Variants in COLEC10 observed in about 807,000 individuals in gnomAD.
The protein encoded by COLEC10 is collectin subfamily member 10, also known as collectin-10.
Under a neutral mutation model 28.4 loss-of-function variants are expected in COLEC10, and 22 were observed. The ratio of observed to expected loss-of-function variants is 0.78; its 90% CI spans 0.55 to 1.11. The LOEUF is 1.11. Among genes scored for constraint, COLEC10 ranks in the 50% least tolerant of loss-of-function variants. The probability of loss-of-function intolerance (pLI) is 0.00; values close to 1 mark genes in which losing one functional copy is unlikely to be tolerated. For missense variants in COLEC10, 361 were observed against 344.1 expected, an observed-to-expected ratio of 1.05 and a Z score of -0.39; for synonymous variants, 125 against 116.1, an observed-to-expected ratio of 1.08 and a Z score of -0.49.
At chr8:119,059,194 A>C (rs1333955297) in intron 2 of COLEC10, among the ~76,000 whole-genome samples, 1 of 151,924 alleles carries the variant, frequency 6.6e-6, no homozygotes, top group Non-Finnish European at 1.5e-5. Context: ...GTATTTTTTG[A>C]AGCACAAATG....
At chr8:119,049,863 G>A (rs1033249614) in intron 2 of COLEC10, among the ~76,000 whole-genome samples, 1 of 152,128 alleles carries the variant, frequency 6.6e-6, no homozygotes, top group South Asian at 2.1e-4. Context: ...TTAATGATGA[G>A]GGAATTCAAT....
chr8:119,000,187 A>T (rs554974031), intron 1 of COLEC10, among the ~76,000 whole-genome samples: 4 of 152,200 alleles, frequency 2.6e-5, no homozygotes, highest in Admixed American at 6.5e-5. Flanking sequence ...GAGCCAGCAT[A>T]GAAGATGAGG....
the COLEC10 span, among the ~76,000 whole-genome samples, chr8:118,982,410 C>A: frequency 1.3e-5 from 2 of 152,054 alleles, no homozygotes; most frequent in African/African-American, 4.8e-5. Flanking sequence ...AATCCAGGTA[C>A]AAATGCACTT....
At chr8:118,961,379 C>T in the COLEC10 span, among the ~76,000 whole-genome samples, 2 of 152,206 alleles carry the variant, frequency 1.3e-5, no homozygotes, top group Non-Finnish European at 2.9e-5. Flanking sequence ...AGTAGGCTAA[C>T]TGGTATGTTT....
intron 2 of COLEC10, among the ~76,000 whole-genome samples, chr8:119,013,923 A>G (rs1813944785): frequency 1.3e-5 from 2 of 150,764 alleles, no homozygotes; most frequent in African/African-American, 5.0e-5. Context: ...GCAATAATGT[A>G]TTGTTTCACA....
chr8:119,017,516 T>C (rs1201342339), intron 2 of COLEC10, among the ~76,000 whole-genome samples: 1 of 152,158 alleles, frequency 6.6e-6, no homozygotes. Context: ...TCTGTGGGAA[T>C]GAGTGCAAGG....
chr8:118,985,527 A>T, the COLEC10 span, among the ~76,000 whole-genome samples: 1 of 152,104 alleles, frequency 6.6e-6, no homozygotes, highest in African/African-American at 2.4e-5. Flanking sequence ...TGATTTAAAC[A>T]GGGATTTATG....
chr8:119,002,558 C>G (rs935116198), intron 1 of COLEC10, among the ~76,000 whole-genome samples: 23 of 152,188 alleles, frequency 1.5e-4, no homozygotes, highest in African/African-American at 5.3e-4. Context: ...ATATTACAAC[C>G]AATTACTTAA....
intron 1 of COLEC10, 116 bp from the exon 2 acceptor site, chr8:119,089,564 G>A: frequency 1.4e-6 from 1 of 739,790 alleles, no homozygotes; most frequent in Non-Finnish European, 2.3e-6. Context: ...CAGCTGGATT[G>A]TGAGGCAAGC....
chr8:118,962,588 T>G, the COLEC10 span, among the ~76,000 whole-genome samples: 1 of 152,162 alleles, frequency 6.6e-6, no homozygotes, highest in Non-Finnish European at 1.5e-5. Flanking sequence ...TTCCTTGCAT[T>G]TCTTTGTTTT....
chr8:119,043,544 A>G (rs1422232498), intron 2 of COLEC10, among the ~76,000 whole-genome samples: 1 of 152,204 alleles, frequency 6.6e-6, no homozygotes, highest in African/African-American at 2.4e-5. Flanking sequence ...CTGAACTACC[A>G]AGTTGCCATA....
At chr8:119,006,737 C>A (rs888234622) in intron 1 of COLEC10, among the ~76,000 whole-genome samples, 1 of 151,368 alleles carries the variant, frequency 6.6e-6, no homozygotes, top group African/African-American at 2.4e-5. Context: ...CATCTTTACC[C>A]ATTTTTTTTT....
At chr8:118,962,668 T>C in the COLEC10 span, among the ~76,000 whole-genome samples, 1 of 152,236 alleles carries the variant, frequency 6.6e-6, no homozygotes, top group African/African-American at 2.4e-5. Context: ...TTTGAATTTA[T>C]AGTATTGTTA....
chr8:119,007,145 C>T (rs552248260), intron 1 of COLEC10, among the ~76,000 whole-genome samples: 1 of 152,110 alleles, frequency 6.6e-6, no homozygotes, highest in East Asian at 1.9e-4. Flanking sequence ...GGAATATCGC[C>T]AAACCACGTT....
chr8:119,085,613 TTTTTTTTTTG>T (rs1257332848), intron 1 of COLEC10, among the ~76,000 whole-genome samples: 6 of 109,940 alleles, frequency 5.5e-5, no homozygotes, highest in African/African-American at 1.8e-4. Flanking sequence ...TTTTTTTTTT[TTTTTTTTTTG>T]TTGTTGTTGT....
chr8:118,959,222 A>C, the COLEC10 span, among the ~76,000 whole-genome samples: 1 of 152,204 alleles, frequency 6.6e-6, no homozygotes, highest in African/African-American at 2.4e-5. Context: ...AGAACAACAA[A>C]AAAAATACCA....
the COLEC10 span, among the ~76,000 whole-genome samples, chr8:118,973,109 G>A: frequency 1.9e-4 from 29 of 151,942 alleles, no homozygotes; most frequent in Non-Finnish European, 3.8e-4. Context: ...AGATTTGGGT[G>A]AGGACACAGC....
chr8:119,049,110 T>C (rs1228085375), intron 2 of COLEC10, among the ~76,000 whole-genome samples: 1 of 152,164 alleles, frequency 6.6e-6, no homozygotes, highest in African/African-American at 2.4e-5. Flanking sequence ...TTTTCCAGAA[T>C]ATGAAATTCT....
At chr8:119,090,046 G>A (rs923623390) in intron 2 of COLEC10, among the ~76,000 whole-genome samples, 11 of 152,082 alleles carry the variant, frequency 7.2e-5, no homozygotes, top group Non-Finnish European at 1.5e-4. Context: ...TTATAGTGCT[G>A]TGTTCATAGC....
Sources: allele counts gnomAD v4.1 joint callset (sites outside exome capture counted in the v4.1 genomes callset), GRCh38; gene constraint gnomAD v4.1.1; transcripts MANE v1.5; gene names NCBI Gene and HGNC (gene_info 2026-07-23, HGNC 2026-07-21).